Variants in FOCAD observed in about 807,000 individuals in gnomAD.
The protein encoded by FOCAD is KIAA1797.
A neutral mutation model predicts 225.6 loss-of-function variants in FOCAD; 198 were observed. The ratio of observed to expected loss-of-function variants is 0.88; its 90% CI spans 0.78 to 0.99. The LOEUF (loss-of-function observed/expected upper bound fraction) is 0.99, where lower values mean the gene tolerates loss of function less well. FOCAD is among the 50% of genes least tolerant of loss of function. The pLI is 0.00. For missense variants in FOCAD, 2,713 were observed against 2,123.6 expected, an observed-to-expected ratio of 1.28 and a Z score of -5.46; for synonymous variants, 897 against 755.0, an observed-to-expected ratio of 1.19 and a Z score of -3.08.
intron 28 of FOCAD, among the ~76,000 whole-genome samples, chr9:20,939,828 G>T (rs953089930): frequency 6.7e-6 from 1 of 149,912 alleles, no homozygotes; most frequent in Admixed American, 6.7e-5. Flanking sequence ...ATGTATACAT[G>T]TGCCATGTTG....
chr9:20,676,997 T>C (rs566998466), intron 2 of FOCAD, among the ~76,000 whole-genome samples: 1 of 152,236 alleles, frequency 6.6e-6, no homozygotes, highest in Non-Finnish European at 1.5e-5. Context: ...TACATGACAA[T>C]GCTACACTAA....
At chr9:20,735,481 C>T (rs905383127) in intron 4 of FOCAD, among the ~76,000 whole-genome samples, 1 of 151,668 alleles carries the variant, frequency 6.6e-6, no homozygotes, top group Non-Finnish European at 1.5e-5. Flanking sequence ...TCCTTCCTTC[C>T]TTCCGCCTCC....
intron 15 of FOCAD, among the ~76,000 whole-genome samples, chr9:20,861,359 T>C (rs1433441900): frequency 6.6e-6 from 1 of 152,236 alleles, no homozygotes; most frequent in Non-Finnish European, 1.5e-5. Context: ...TTGGGTTTTA[T>C]TTCAAATGCT....
chr9:20,811,413 C>G (rs910081328), intron 11 of FOCAD, among the ~76,000 whole-genome samples: 5 of 152,148 alleles, frequency 3.3e-5, no homozygotes, highest in East Asian at 3.9e-4. Context: ...CAAGGAATCA[C>G]TACAGATCAG....
At chr9:20,704,208 T>A (rs1824199977) in intron 1 of FOCAD, among the ~76,000 whole-genome samples, 1 of 152,224 alleles carries the variant, frequency 6.6e-6, no homozygotes, top group African/African-American at 2.4e-5. Flanking sequence ...CTTGTAACCA[T>A]TAAGGACTCA....
rs191985197 is a variant in FOCAD, at chr9:20,822,920, G to A, written c.1794-69G>A. ...GAAAATGATGGATGCTTTTTGTTTA[G>A]GCAAAAGATCTGGGAGTGATAACTG... On this transcript the variant is annotated intron_variant, in intron 14 of 43. Coordinates refer to ENST00000338382, the MANE Select transcript of FOCAD (RefSeq NM_001375567.1). The A allele has an allele frequency of 4.6e-4, 658 of 1,437,892 alleles. 4 individuals are homozygous for A. In the African/African-American group the frequency reaches 9.0e-3, roughly 20 times the overall value. The allele number at this position is 1,437,892 out of a possible 1,614,324, so 89.1% of individuals were successfully genotyped here. A position where few individuals can be genotyped will look rare whatever the true frequency, so the allele number is the denominator to read the frequency against.
At chr9:20,739,441 T>C (rs1305487872) in intron 4 of FOCAD, among the ~76,000 whole-genome samples, 1 of 152,012 alleles carries the variant, frequency 6.6e-6, no homozygotes, top group Non-Finnish European at 1.5e-5. Flanking sequence ...TTGTCTCTAC[T>C]AAAAATACAA....
chr9:20,951,480 A>C (rs1227961043), intron 34 of FOCAD, among the ~76,000 whole-genome samples: 1 of 152,208 alleles, frequency 6.6e-6, no homozygotes, highest in Admixed American at 6.5e-5. Flanking sequence ...AGAAACTAGG[A>C]ACCAGGTCCT....
intron 8 of FOCAD, among the ~76,000 whole-genome samples, chr9:20,777,219 G>T (rs1381864573): frequency 6.6e-6 from 1 of 150,660 alleles, no homozygotes; most frequent in Non-Finnish European, 1.5e-5. Flanking sequence ...TAATTTCTGG[G>T]TATGTCAAAT....
At chr9:20,871,107 G>A (rs1326879139) in intron 18 of FOCAD, among the ~76,000 whole-genome samples, 8 of 152,024 alleles carry the variant, frequency 5.3e-5, no homozygotes, top group Non-Finnish European at 1.2e-4. Context: ...GGGAGGCTGA[G>A]GTAGGAGAAT....
At chr9:20,985,156 A>G (rs1242122954) in intron 39 of FOCAD, among the ~76,000 whole-genome samples, 1 of 152,180 alleles carries the variant, frequency 6.6e-6, no homozygotes, top group African/African-American at 2.4e-5. Flanking sequence ...AAACCATATT[A>G]GTGAAACTCA....
chr9:20,827,300 G>T (rs747971197), intron 15 of FOCAD, among the ~76,000 whole-genome samples: 4 of 151,928 alleles, frequency 2.6e-5, no homozygotes, highest in Non-Finnish European at 4.4e-5. Context: ...AAAATCATAT[G>T]ATGTGTTGTC....
At position 20,990,367 on chromosome 9, in the gene FOCAD, C is replaced by G; in HGVS notation, c.5249C>G (p.Thr1750Ser). Residue 1750 changes from threonine (T) to serine (S), a missense_variant, in exon 42 of 44, where the codon ACC becomes AGC. By Grantham distance (58) the Thr-to-Ser change is moderately conservative. Transcript: ENST00000338382. ...LLQKEPWKEQ[T>S]QKFIDWLFSI... Reference sequence around the variant, plus strand: ...CAGAAAGAGCCATGGAAGGAACAGACCCAGAAGGTGAGGCTGGCAGCCACC... The same window carrying G: ...CAGAAAGAGCCATGGAAGGAACAGAGCCAGAAGGTGAGGCTGGCAGCCACC... The G allele has an allele frequency of 6.2e-7, 1 of 1,613,354 alleles. No homozygotes were observed. Among genetic ancestry groups the G allele is most frequent in the Non-Finnish European group, 8.5e-7 (1 of 1,179,834 alleles).
chr9:20,659,639 C>G (rs569833069), intron 2 of FOCAD, among the ~76,000 whole-genome samples: 2 of 152,146 alleles, frequency 1.3e-5, no homozygotes, highest in Non-Finnish European at 2.9e-5. Flanking sequence ...TCCCTGCATC[C>G]AGAGCTGGAA....
chr9:20,783,288 A>G (rs1819584721), intron 10 of FOCAD, among the ~76,000 whole-genome samples: 1 of 152,202 alleles, frequency 6.6e-6, no homozygotes, highest in Non-Finnish European at 1.5e-5. Context: ...AGGGCTGTAA[A>G]TATCCTCCTT....
intron 4 of FOCAD, among the ~76,000 whole-genome samples, chr9:20,735,111 C>A (rs930036318): frequency 6.6e-6 from 1 of 152,074 alleles, no homozygotes; most frequent in Non-Finnish European, 1.5e-5. Flanking sequence ...GAATCTTATT[C>A]TTCTGTGATT....
At chr9:20,845,649 G>T (rs970945711) in intron 15 of FOCAD, among the ~76,000 whole-genome samples, 1 of 151,640 alleles carries the variant, frequency 6.6e-6, no homozygotes, top group African/African-American at 2.4e-5. Flanking sequence ...TTAGAAATGG[G>T]GCTGCCGGTC....
chr9:20,756,143 G>A (rs903636138), intron 5 of FOCAD, among the ~76,000 whole-genome samples: 1 of 152,192 alleles, frequency 6.6e-6, no homozygotes, highest in Non-Finnish European at 1.5e-5. Context: ...AAACATGAAT[G>A]ATTTTGATAC....
chr9:20,958,455 T>C (rs1373508126), intron 35 of FOCAD, among the ~76,000 whole-genome samples: 2 of 152,152 alleles, frequency 1.3e-5, no homozygotes, highest in Non-Finnish European at 2.9e-5. Flanking sequence ...TACATAGAGA[T>C]GTTCTGATGA....
Sources: gnomAD v4.1 joint callset for allele counts (sites outside exome capture counted in the v4.1 genomes callset) on GRCh38, gnomAD v4.1.1 for gene constraint, MANE v1.5 for transcripts, NCBI Gene and HGNC (gene_info 2026-07-23, HGNC 2026-07-21) for gene names.